The following BCL11A variants were observed in gnomAD, a reference collection of about 807,000 sequenced individuals.
BCL11A encodes B cell CLL/lymphoma 11A.
A neutral mutation model predicts 55.9 loss-of-function variants in BCL11A; 2 were observed. The observed-to-expected ratio is 0.04, with a 90% CI of 0.01 to 0.11. The LOEUF is 0.11. Ranked by LOEUF, BCL11A falls within the 10% of genes least tolerant of loss-of-function variation. The pLI, the probability that BCL11A is intolerant of heterozygous loss-of-function variation, is 1.00. For missense variants in BCL11A, 817 were observed against 1,137.1 expected (o/e 0.72, Z 4.05); for synonymous variants, 465 against 473.4 (o/e 0.98, Z 0.23).
At position 60,461,480 on chromosome 2, in the gene BCL11A, G is replaced by A. The variant is rs113369532; in HGVS notation, c.1432C>T (p.Leu478=). The A allele has an allele frequency of 3.4e-5, 54 of 1,604,866 alleles. No individual in the cohort carries two copies. The African/African-American group carries it at 6.5e-4, about 19-fold the overall frequency. The part of the protein sequence containing the change: ...AKFKSENDPN[L]IPENGDEEEE... ...TCCTCGTCCCCGTTCTCCGGGATCA[G>A]GTTGGGGTCGTTCTCGCTCTTGAAC... Residue 478 remains leucine, a synonymous_variant, in exon 4 of 4, where the codon CTG becomes TTG. Coordinates refer to ENST00000642384, the MANE Select transcript of BCL11A (RefSeq NM_022893.4).
rs754753303 is a variant in BCL11A at position 60,461,739 on chromosome 2, G to C, written c.1173C>G (p.Asn391Lys). Residue 391 changes from asparagine to lysine, a missense_variant, in exon 4 of 4, where the codon AAC becomes AAG. Physicochemically the swap from Asn to Lys is moderately conservative, Grantham distance 94 (BLOSUM62 0). Around this residue, in one of 4 missense-constraint regions of BCL11A, gnomAD observed 45 missense variants for 109.0 expected, o/e 0.41. Coordinates refer to ENST00000642384, the MANE Select transcript of BCL11A (RefSeq NM_022893.4). Reference protein sequence around the residue: ...FCGKTFKFQSNLVVHRRSHTG... With the variant: ...FCGKTFKFQSKLVVHRRSHTG... ...TGTGGCTGCGCCGGTGCACCACCAGGTTGCTCTGAAATTTGAACGTCTTGC... is the reference window on the plus strand; with the variant it reads ...TGTGGCTGCGCCGGTGCACCACCAGCTTGCTCTGAAATTTGAACGTCTTGC... 3 of 1,613,730 alleles carry C rather than the reference G, an allele frequency of 1.9e-6. No individual in the cohort carries two copies. The highest frequency in any genetic ancestry group is 1.7e-5 in the Admixed American group (1 of 59,998).
intron 2 of BCL11A, among the ~76,000 whole-genome samples, chr2:60,470,857 T>C (rs1324807865): frequency 1.3e-5 from 2 of 152,230 alleles, no homozygotes; most frequent in Admixed American, 1.3e-4. Context: ...TATCATCAAG[T>C]CTGTCCCTTC....
At chr2:60,502,593 A>G (rs1334959436) in intron 2 of BCL11A, among the ~76,000 whole-genome samples, 1 of 152,226 alleles carries the variant, frequency 6.6e-6, no homozygotes, top group Non-Finnish European at 1.5e-5. Flanking sequence ...TTCACACCCA[A>G]TCCCATGCTT....
At chr2:60,534,651 A>G (rs1669593341) in intron 2 of BCL11A, 1 of 152,242 alleles carries the variant, frequency 6.6e-6, no homozygotes, top group Admixed American at 6.5e-5. Context: ...TTAAAAGAAA[A>G]CGGATAAAAC....
At chr2:60,464,486 C>A (rs1278541980) in intron 3 of BCL11A, among the ~76,000 whole-genome samples, 1 of 152,184 alleles carries the variant, frequency 6.6e-6, no homozygotes, top group African/African-American at 2.4e-5. Flanking sequence ...GGGTGACTAT[C>A]ATTCCTATTT....
chr2:60,521,066 A>AGCAC (rs1384254411), intron 2 of BCL11A, among the ~76,000 whole-genome samples: 3 of 120,794 alleles, frequency 2.5e-5, no homozygotes, highest in African/African-American at 1.0e-4. Context: ...CCTAGTGGTC[A>AGCAC]GCACACACAC....
At chr2:60,504,055 G>T (rs189057219) in intron 2 of BCL11A, among the ~76,000 whole-genome samples, 7 of 152,262 alleles carry the variant, frequency 4.6e-5, no homozygotes, top group Non-Finnish European at 7.3e-5. Flanking sequence ...GCTTCGAGCG[G>T]CACATTCTGA....
At position 60,486,960 on chromosome 2, in the gene BCL11A, C is replaced by T. The variant is rs1323589649; in HGVS notation, c.386-18127G>A. On this transcript the variant is annotated intron_variant, in intron 2 of 3. Coordinates refer to ENST00000642384, the MANE Select transcript of BCL11A (RefSeq NM_022893.4). ...AAATTAATATTTAATTTTAAGATTA[C>T]TATTCTATCAGAATAAAAAAGACTC... Among the ~76,000 whole-genome samples the T allele has an allele frequency of 2.6e-5, 4 of 152,230 alleles. No homozygotes were observed. In the East Asian group the frequency reaches 7.7e-4, roughly 29 times the overall value.
At chr2:60,489,355 C>T (rs908439996) in intron 2 of BCL11A, among the ~76,000 whole-genome samples, 5 of 152,204 alleles carry the variant, frequency 3.3e-5, no homozygotes, top group Non-Finnish European at 7.3e-5. Flanking sequence ...GAACCCAGTG[C>T]TACTCTGCTT....
At chr2:60,543,933 T>TA (rs953425210) in intron 2 of BCL11A, 2 of 152,172 alleles carry the variant, frequency 1.3e-5, no homozygotes, top group African/African-American at 4.8e-5. Context: ...ACTTGTTCTT[T>TA]AAAAAAATAA....
chr2:60,502,256 A>G (rs999723961), intron 2 of BCL11A, among the ~76,000 whole-genome samples: 1 of 152,266 alleles, frequency 6.6e-6, no homozygotes, highest in African/African-American at 2.4e-5. Flanking sequence ...AGCTGGTGAA[A>G]CAAAATGATG....
chr2:60,492,615 C>CTTCTCTCT, intron 2 of BCL11A, among the ~76,000 whole-genome samples: 1 of 144,540 alleles, frequency 6.9e-6, no homozygotes, highest in Non-Finnish European at 1.5e-5. Flanking sequence ...AGTGGGCCTC[C>CTTCTCTCT]CTCTCTCTCT....
chr2:60,479,640 C>T (rs747254810), intron 2 of BCL11A, among the ~76,000 whole-genome samples: 8 of 152,210 alleles, frequency 5.3e-5, no homozygotes, highest in African/African-American at 1.4e-4. Context: ...CAGGCTGACG[C>T]GGTTTCAAAG....
intron 2 of BCL11A, among the ~76,000 whole-genome samples, chr2:60,518,282 A>G (rs1668823709): frequency 6.6e-6 from 1 of 152,186 alleles, no homozygotes; most frequent in Non-Finnish European, 1.5e-5. Flanking sequence ...CTCTCATAAT[A>G]CATAAAACAT....
intron 3 of BCL11A, among the ~76,000 whole-genome samples, chr2:60,466,362 G>A (rs1166889058): frequency 3.3e-5 from 5 of 151,938 alleles, no homozygotes; most frequent in Non-Finnish European, 7.4e-5. Context: ...CCCCATGCAG[G>A]CCCCAGATGC....
intron 2 of BCL11A, among the ~76,000 whole-genome samples, chr2:60,480,282 G>A (rs1408114433): frequency 1.3e-5 from 2 of 152,230 alleles, no homozygotes; most frequent in Non-Finnish European, 2.9e-5. Flanking sequence ...AAGTCTCCCT[G>A]TAATCAGCAT....
intron 3 of BCL11A, among the ~76,000 whole-genome samples, chr2:60,465,947 C>T (rs1016828015): frequency 1.3e-5 from 2 of 152,172 alleles, no homozygotes; most frequent in Non-Finnish European, 2.9e-5. Context: ...GTGACTGGCA[C>T]ACAGCAGAGT....
Position 60,546,724 on chromosome 2 carries a change from TTTC to T in BCL11A, c.56-427_56-425del, listed in dbSNP as rs760951388. On this transcript the variant is annotated intron_variant, in intron 1 of 3. Transcript: ENST00000642384. This position sits in a 1 kb window ranked among gnomAD's most constrained non-coding sequence, Gnocchi z 4.1. Reference sequence around the variant, plus strand: ...AAAAAGTGGATAGAAACCAAATTTGTTTCTTTTTTCCTATACACCAAGTTGTCC... The same window carrying T: ...AAAAAGTGGATAGAAACCAAATTTGTTTTTTTCCTATACACCAAGTTGTCC... Among the ~76,000 whole-genome samples, 1 of 152,196 alleles carries T rather than the reference TTTC, an allele frequency of 6.6e-6. No homozygotes were observed. Among genetic ancestry groups the T allele is most frequent in the Non-Finnish European group, 1.5e-5 (1 of 68,030 alleles).
chr2:60,537,210 G>A (rs946915634), intron 2 of BCL11A: 6 of 152,072 alleles, frequency 3.9e-5, no homozygotes, highest in African/African-American at 7.2e-5. Context: ...AGAAGGTTAC[G>A]ATTTATTATT....
Sources: allele counts gnomAD v4.1 joint callset (sites outside exome capture counted in the v4.1 genomes callset), GRCh38; gene constraint gnomAD v4.1.1; regional missense constraint gnomAD v4.1.1; non-coding constraint Gnocchi (gnomAD v3.1); transcripts MANE v1.5; gene names NCBI Gene and HGNC (gene_info 2026-07-23, HGNC 2026-07-21).